The following KCNH8 variants were observed in gnomAD, a reference collection of about 807,000 sequenced individuals.
KCNH8 encodes potassium voltage-gated channel subfamily H member 8.
Under a neutral mutation model 103.6 loss-of-function variants are expected in KCNH8, and 70 were observed. The ratio of observed to expected loss-of-function variants is 0.68; its 90% CI spans 0.56 to 0.82. The LOEUF is 0.82. Among genes scored for constraint, KCNH8 ranks in the 40% least tolerant of loss-of-function variants. The probability of loss-of-function intolerance (pLI) is 0.00; values close to 1 mark genes in which losing one functional copy is unlikely to be tolerated. For synonymous variants in KCNH8, 498 were observed against 489.4 expected (o/e 1.02, Z -0.23); for missense variants, 1,217 against 1,329.9 (o/e 0.92, Z 1.32).
intron 11 of KCNH8, among the ~76,000 whole-genome samples, chr3:19,463,294 A>G (rs2067670952): frequency 6.6e-6 from 1 of 152,162 alleles, no homozygotes; most frequent in Non-Finnish European, 1.5e-5. Flanking sequence ...CTATGCATTA[A>G]GTTAACACAA....
At chr3:19,462,626 G>T (rs938523557) in intron 11 of KCNH8, among the ~76,000 whole-genome samples, 16 of 152,158 alleles carry the variant, frequency 1.1e-4, no homozygotes, top group Non-Finnish European at 2.4e-4. Context: ...CTTTTGCTGT[G>T]CAGAAGCTCT....
intron 1 of KCNH8, among the ~76,000 whole-genome samples, chr3:19,208,490 A>G (rs1030132348): frequency 2.0e-5 from 3 of 151,982 alleles, no homozygotes. Context: ...AAAAAATTGA[A>G]AAGAGTGGTG....
intron 5 of KCNH8, among the ~76,000 whole-genome samples, chr3:19,350,697 A>G (rs2065788523): frequency 6.6e-6 from 1 of 152,168 alleles, no homozygotes; most frequent in African/African-American, 2.4e-5. Flanking sequence ...AACAAACAGA[A>G]AGGACATCCA....
intron 1 of KCNH8, among the ~76,000 whole-genome samples, chr3:19,233,498 CTGTT>C (rs1349264011): frequency 1.3e-5 from 2 of 151,694 alleles, no homozygotes; most frequent in African/African-American, 4.8e-5. Context: ...AATGGATAAA[CTGTT>C]AGAGTTTATC....
intron 7 of KCNH8, among the ~76,000 whole-genome samples, chr3:19,404,147 C>G (rs2066657092): frequency 1.3e-5 from 2 of 151,936 alleles, no homozygotes; most frequent in African/African-American, 4.8e-5. Context: ...CTGCTCTTCA[C>G]TCTCTATCCT....
chr3:19,387,809 ACTT>A (rs2066377914), intron 5 of KCNH8, among the ~76,000 whole-genome samples: 1 of 152,156 alleles, frequency 6.6e-6, no homozygotes. Flanking sequence ...TCTTATAATT[ACTT>A]CTTTTTAAAC....
intron 3 of KCNH8, among the ~76,000 whole-genome samples, chr3:19,318,838 T>C (rs1421358461): frequency 1.3e-5 from 2 of 151,832 alleles, no homozygotes; most frequent in African/African-American, 4.8e-5. Context: ...TTTTTTATTA[T>C]GGCTATTCTT....
At chr3:19,272,046 T>C (rs1300103458) in intron 2 of KCNH8, among the ~76,000 whole-genome samples, 1 of 152,170 alleles carries the variant, frequency 6.6e-6, no homozygotes, top group Non-Finnish European at 1.5e-5. Context: ...CTGTAAGTTC[T>C]AGGTAGCAAG....
chr3:19,267,439 A>T (rs562180342), intron 2 of KCNH8, among the ~76,000 whole-genome samples: 2 of 152,226 alleles, frequency 1.3e-5, no homozygotes, highest in South Asian at 4.1e-4. Context: ...ACTTTGCAGG[A>T]TGTTCGAAGG....
intron 1 of KCNH8, among the ~76,000 whole-genome samples, chr3:19,174,550 ATTATAG>A (rs1043216880): frequency 3.0e-4 from 46 of 152,194 alleles, no homozygotes; most frequent in African/African-American, 1.1e-3. Context: ...AGGAATATTA[ATTATAG>A]TTTACATTCT....
chr3:19,420,119 A>G (rs529598898), intron 7 of KCNH8, among the ~76,000 whole-genome samples: 2 of 152,322 alleles, frequency 1.3e-5, no homozygotes, highest in South Asian at 4.1e-4. Flanking sequence ...CATTAGCTAC[A>G]TTACATGGTT....
chr3:19,388,928 A>G (rs1462209529), intron 5 of KCNH8, among the ~76,000 whole-genome samples: 1 of 152,160 alleles, frequency 6.6e-6, no homozygotes, highest in Non-Finnish European at 1.5e-5. Context: ...CATCTGTAAA[A>G]GGAGATAATA....
intron 1 of KCNH8, among the ~76,000 whole-genome samples, chr3:19,154,373 A>T (rs964320776): frequency 4.6e-5 from 7 of 152,292 alleles, no homozygotes; most frequent in Non-Finnish European, 7.4e-5. Context: ...CAGCCATAAA[A>T]GATCTTTAAA....
At chr3:19,362,588 A>T (rs529420158) in intron 5 of KCNH8, among the ~76,000 whole-genome samples, 3 of 152,306 alleles carry the variant, frequency 2.0e-5, no homozygotes, top group African/African-American at 7.2e-5. Flanking sequence ...AATCAATATA[A>T]CAAAGCAGCG....
At chr3:19,327,466 T>C (rs1016778690) in intron 3 of KCNH8, among the ~76,000 whole-genome samples, 1 of 152,068 alleles carries the variant, frequency 6.6e-6, no homozygotes, top group Non-Finnish European at 1.5e-5. Flanking sequence ...ATTTTTGTAG[T>C]TTTAGTAGAG....
chr3:19,249,001 T>C (rs894604304), intron 1 of KCNH8, among the ~76,000 whole-genome samples: 1 of 152,132 alleles, frequency 6.6e-6, no homozygotes, highest in African/African-American at 2.4e-5. Context: ...ATAAGTACAT[T>C]TATATCTTAC....
intron 7 of KCNH8, among the ~76,000 whole-genome samples, chr3:19,396,476 A>G (rs2066520496): frequency 6.6e-6 from 1 of 152,064 alleles, no homozygotes; most frequent in South Asian, 2.1e-4. Context: ...TCTGAGCTAC[A>G]CAAAACAACT....
intron 7 of KCNH8, among the ~76,000 whole-genome samples, chr3:19,422,987 T>C (rs866781888): frequency 6.6e-6 from 1 of 152,120 alleles, no homozygotes; most frequent in Non-Finnish European, 1.5e-5. Context: ...TTTTGCAATA[T>C]TCTGAAAGAT....
At chr3:19,502,140 A>T (rs1392511599) in intron 11 of KCNH8, among the ~76,000 whole-genome samples, 1 of 148,626 alleles carries the variant, frequency 6.7e-6, no homozygotes, top group Non-Finnish European at 1.5e-5. Flanking sequence ...AGACAAACAG[A>T]GAGCCAAATC....
Sources: gnomAD v4.1 joint callset for allele counts (sites outside exome capture counted in the v4.1 genomes callset) on GRCh38, gnomAD v4.1.1 for gene constraint, MANE v1.5 for transcripts, NCBI Gene and HGNC (gene_info 2026-07-23, HGNC 2026-07-21) for gene names.